Variants in SCN1A observed in about 807,000 individuals in gnomAD.
The protein encoded by SCN1A is sodium channel protein type 1 subunit alpha.
A neutral mutation model predicts 193.7 loss-of-function variants in SCN1A; 13 were observed. The ratio of observed to expected loss-of-function variants is 0.07; its 90% CI spans 0.04 to 0.11. The LOEUF (loss-of-function observed/expected upper bound fraction) is 0.11, where lower values mean the gene tolerates loss of function less well. Ranked by LOEUF, SCN1A falls within the 10% of genes least tolerant of loss-of-function variation. The pLI is 1.00. For missense variants in SCN1A, 1,432 were observed against 2,451.1 expected (o/e 0.58, Z 8.78); for synonymous variants, 781 against 843.6 (o/e 0.93, Z 1.29).
chr2:166,053,016 C>T (rs984158846), intron 7 of SCN1A, 73 bp from the exon 8 acceptor site: 2 of 1,430,378 alleles, frequency 1.4e-6, no homozygotes, highest in African/African-American at 1.4e-5. Flanking sequence ...AAGAGCCTAT[C>T]CTTTACTCTA....
intron 2 of SCN1A, among the ~76,000 whole-genome samples, chr2:166,093,373 C>G (rs1012649582): frequency 7.3e-5 from 11 of 151,506 alleles, no homozygotes; most frequent in Non-Finnish European, 1.5e-4. Context: ...GAGTCTCACT[C>G]TGTCGCCCAG....
intron 2 of SCN1A, among the ~76,000 whole-genome samples, chr2:166,097,632 C>G (rs1207264976): frequency 6.6e-6 from 1 of 151,944 alleles, no homozygotes; most frequent in Admixed American, 6.6e-5. Flanking sequence ...CCCAGGCTGG[C>G]GTGCAGTGGC....
chr2:166,035,316 G>A (rs148850380), intron 19 of SCN1A, among the ~76,000 whole-genome samples: 1 of 152,094 alleles, frequency 6.6e-6, no homozygotes, highest in Non-Finnish European at 1.5e-5. Flanking sequence ...TTGTTAGATC[G>A]TTCATTCATT....
chr2:166,034,887 C>T (rs938064238), intron 19 of SCN1A, among the ~76,000 whole-genome samples: 4 of 152,160 alleles, frequency 2.6e-5, no homozygotes, highest in Non-Finnish European at 4.4e-5. Flanking sequence ...AAGGAGGTGG[C>T]TGTCTGCAAC....
rs767725607 is a variant in SCN1A at position 166,044,064 on chromosome 2, G to T, written c.1663-15C>A. The T allele has an allele frequency of 6.2e-6, 10 of 1,613,668 alleles. No individual in the cohort carries two copies. Among genetic ancestry groups the T allele is most frequent in the South Asian group, 1.1e-5 (1 of 91,048 alleles). On this transcript the variant is annotated splice_polypyrimidine_tract_variant and intron_variant, in intron 13 of 28. Coordinates refer to ENST00000674923, the MANE Select transcript of SCN1A (RefSeq NM_001165963.4). The stretch of plus-strand genomic sequence containing the variant: ...CTCAACAAAGACTAGAAGTTTGAAA[G>T]AGCAAACAAATAAAGTCATATTAAT...
At chr2:166,144,688 A>C (rs577738354) in intron 1 of SCN1A, among the ~76,000 whole-genome samples, 2 of 152,228 alleles carry the variant, frequency 1.3e-5, no homozygotes, top group South Asian at 4.1e-4. Flanking sequence ...TATACTTACC[A>C]ATGTGTTCAA....
chr2:166,099,620 C>G (rs1395203282), intron 2 of SCN1A, among the ~76,000 whole-genome samples: 1 of 54,268 alleles, frequency 1.8e-5, no homozygotes, highest in Non-Finnish European at 3.3e-5. Flanking sequence ...ACCCCATTGT[C>G]TCAGCCCAAA....
At chr2:166,047,861 G>A (rs1428174504) in intron 10 of SCN1A, 93 bp from the exon 11 acceptor site, 19 of 1,550,448 alleles carry the variant, frequency 1.2e-5, no homozygotes, top group Non-Finnish European at 1.6e-5. Context: ...GAAAGATTTG[G>A]TATTTCAAAA....
Position 166,043,956 on chromosome 2 carries a change from A to T in SCN1A, c.1756T>A (p.Ser586Thr). Residue 586 changes from serine to threonine, a missense_variant, in exon 14 of 29, where the codon TCT (serine) becomes ACT (threonine). Physicochemically the swap from Ser to Thr is moderately conservative, Grantham distance 58 (BLOSUM62 1). Coordinates refer to ENST00000674923, the MANE Select transcript of SCN1A (RefSeq NM_001165963.4). Reference protein sequence around the residue: ...SFRGRAKDVGSENDFADDEHS... With the variant: ...SFRGRAKDVGTENDFADDEHS... The stretch of plus-strand genomic sequence containing the variant: ...TCATCATCTGCGAAGTCGTTCTCAG[A>T]TCCCACATCCTTTGCTCGCCCTCTA... 6.2e-7 allele frequency: 1 copy of T among 1,614,142 alleles called. No individual in the cohort carries two copies. The highest frequency in any genetic ancestry group is 8.5e-7 in the Non-Finnish European group (1 of 1,180,016).
intron 2 of SCN1A, among the ~76,000 whole-genome samples, chr2:166,111,452 G>A (rs766560225): frequency 2.6e-5 from 4 of 151,690 alleles, no homozygotes; most frequent in African/African-American, 9.7e-5. Context: ...AAAAAAAAAA[G>A]ATTCCATTCA....
intron 19 of SCN1A, among the ~76,000 whole-genome samples, chr2:166,023,085 ATATTT>A (rs1432179956): frequency 6.6e-6 from 1 of 152,240 alleles, no homozygotes; most frequent in Non-Finnish European, 1.5e-5. Flanking sequence ...GCCTCTATGA[ATATTT>A]TATAGCTATA....
chr2:166,035,767 G>A (rs1439528136), intron 19 of SCN1A, among the ~76,000 whole-genome samples: 1 of 152,108 alleles, frequency 6.6e-6, no homozygotes, highest in Admixed American at 6.6e-5. Flanking sequence ...GTAAATATTG[G>A]TTGTTTATCC....
chr2:166,135,522 C>A (rs1046278754), intron 1 of SCN1A, among the ~76,000 whole-genome samples: 2 of 152,290 alleles, frequency 1.3e-5, no homozygotes, highest in South Asian at 4.1e-4. Flanking sequence ...TACCATATTT[C>A]TTGGGGAAAT....
intron 2 of SCN1A, among the ~76,000 whole-genome samples, chr2:166,101,557 A>C (rs886356560): frequency 1.3e-5 from 2 of 152,046 alleles, no homozygotes; most frequent in African/African-American, 2.4e-5. Context: ...CAGAAGAGAG[A>C]ACCCAGAAAT....
intron 2 of SCN1A, among the ~76,000 whole-genome samples, chr2:166,086,377 A>G (rs1686121356): frequency 6.6e-6 from 1 of 152,088 alleles, no homozygotes; most frequent in African/African-American, 2.4e-5. Flanking sequence ...TTCACCTTTT[A>G]ATGTCAGAGG....
In SCN1A at chr2:165,991,573, A is replaced by C. The variant is rs1559100042; in HGVS notation, c.5702T>G (p.Val1901Gly). Residue 1901 changes from valine (V) to glycine (G), a missense_variant, in exon 29 of 29, where the codon GTC (valine) becomes GGC (glycine). Val to Gly is a moderately radical substitution (Grantham distance 109, BLOSUM62 -3). Around this residue, in one of 18 missense-constraint regions of SCN1A, gnomAD observed 148 missense variants for 160.3 expected, o/e 0.92. Coordinates refer to ENST00000674923, the MANE Select transcript of SCN1A (RefSeq NM_001165963.4). ...ERFMASNPSK[V>G]SYQPITTTLK... The stretch of plus-strand genomic sequence containing the variant: ...AGTAGTAGTGATTGGCTGATAGGAG[A>C]CCTTGGAAGGATTGGAAGCCATGAA... 5 of 1,613,824 alleles carry C rather than the reference A, an allele frequency of 3.1e-6. No homozygotes were observed. The South Asian group carries it at 5.5e-5, about 18-fold the overall frequency.
intron 19 of SCN1A, among the ~76,000 whole-genome samples, chr2:166,022,392 G>A (rs1694189195): frequency 6.7e-6 from 1 of 148,300 alleles, no homozygotes; most frequent in South Asian, 2.1e-4. Context: ...ACTAGGTGGG[G>A]GGCGGGGTAA....
At position 166,047,802 on chromosome 2, in the gene SCN1A, G is replaced by A. The variant is rs371826087; in HGVS notation, c.1029-34C>T. 124 of 1,612,648 alleles carry A rather than the reference G, an allele frequency of 7.7e-5. 1 individual carries two copies. The highest frequency in any genetic ancestry group is 6.8e-4 in the African/African-American group (51 of 74,966). ...GGGGTAAAAGAAAGTATTACAAGTC[G>A]TTCTGCTGCCTTTTTACTCTGATAC... is the stretch of plus-strand genomic sequence containing the variant. On this transcript the variant is annotated intron_variant, in intron 10 of 28. Transcript: ENST00000674923.
chr2:166,094,578 G>A (rs1053207874), intron 2 of SCN1A, among the ~76,000 whole-genome samples: 22 of 152,128 alleles, frequency 1.4e-4, no homozygotes, highest in African/African-American at 4.8e-4. Flanking sequence ...TCAAAGTAGG[G>A]CCAAATGCAG....
Sources: allele counts gnomAD v4.1 joint callset (sites outside exome capture counted in the v4.1 genomes callset), GRCh38; gene constraint gnomAD v4.1.1; regional missense constraint gnomAD v4.1.1; transcripts MANE v1.5; gene names NCBI Gene and HGNC (gene_info 2026-07-23, HGNC 2026-07-21).